AHCYL2: variants seen among roughly 807,000 people sequenced by gnomAD.
The protein encoded by AHCYL2 is S-adenosylhomocysteine hydrolase-like protein 2.
A neutral mutation model predicts 81.4 loss-of-function variants in AHCYL2; 28 were observed. That is an observed-to-expected ratio of 0.34 (90% CI 0.25 to 0.47). The LOEUF is 0.47. Ranked by LOEUF, AHCYL2 falls within the 20% of genes least tolerant of loss-of-function variation. The pLI, the probability that AHCYL2 is intolerant of heterozygous loss-of-function variation, is 1.00. For synonymous variants in AHCYL2, 272 were observed against 290.2 expected (o/e 0.94, Z 0.64); for missense variants, 551 against 785.1 (o/e 0.70, Z 3.56).
rs1455718628 is a variant in AHCYL2 at position 129,230,080 on chromosome 7, T to C, written c.363+4641T>C. On this transcript the variant is annotated intron_variant, in intron 1 of 16. Coordinates refer to ENST00000325006, the MANE Select transcript of AHCYL2 (RefSeq NM_015328.4). Reference sequence around the variant, plus strand: ...TTACATATACTGTTTTATTTAATTCTTTTTTTTTTTTTTTTTTTTTTTGAG... The same window carrying C: ...TTACATATACTGTTTTATTTAATTCCTTTTTTTTTTTTTTTTTTTTTTGAG... Among the ~76,000 whole-genome samples, 3 of 122,078 alleles carry C rather than the reference T, an allele frequency of 2.5e-5. No homozygotes were observed. The East Asian group carries it at 6.4e-4, about 26-fold the overall frequency. 80.1% of individuals were successfully genotyped at this position (122,078 alleles called of 152,430 possible).
intron 1 of AHCYL2, among the ~76,000 whole-genome samples, chr7:129,279,601 A>G (rs1796355898): frequency 6.6e-6 from 1 of 152,226 alleles, no homozygotes; most frequent in African/African-American, 2.4e-5. Context: ...ATGCAAGTTT[A>G]AGAAAGTAAA....
At chr7:129,357,328 TG>T (rs963428520) in intron 1 of AHCYL2, among the ~76,000 whole-genome samples, 7 of 152,334 alleles carry the variant, frequency 4.6e-5, no homozygotes, top group Admixed American at 4.6e-4. Flanking sequence ...ATAATTGCTG[TG>T]ATTTTACAAG....
intron 1 of AHCYL2, among the ~76,000 whole-genome samples, chr7:129,374,974 CAAAT>C (rs1794607233): frequency 6.6e-6 from 1 of 151,594 alleles, no homozygotes; most frequent in African/African-American, 2.4e-5. Context: ...CAGAAATCAG[CAAAT>C]AAATAATGTG....
intron 1 of AHCYL2, among the ~76,000 whole-genome samples, chr7:129,238,275 T>C (rs577766498): frequency 6.6e-6 from 1 of 152,278 alleles, no homozygotes; most frequent in Non-Finnish European, 1.5e-5. Context: ...GGAATAGGAA[T>C]TGTACTACCT....
At chr7:129,349,058 C>T (rs6969620) in intron 1 of AHCYL2, among the ~76,000 whole-genome samples, 133,120 of 152,192 alleles carry the variant, frequency 0.87, 58,570 homozygotes, top group East Asian at 0.98. Flanking sequence ...TTATTCCTCA[C>T]AACTTTTATC....
chr7:129,326,093 C>T (rs898234650), intron 1 of AHCYL2, among the ~76,000 whole-genome samples: 7 of 151,804 alleles, frequency 4.6e-5, no homozygotes, highest in Non-Finnish European at 7.4e-5. Context: ...TTTCATTAAT[C>T]GAAATAATAG....
At chr7:129,233,405 G>A (rs527863984) in intron 1 of AHCYL2, among the ~76,000 whole-genome samples, 14 of 151,906 alleles carry the variant, frequency 9.2e-5, no homozygotes, top group African/African-American at 2.9e-4. Context: ...TCCAATTCTC[G>A]GGCTCAAGTG....
At chr7:129,299,186 G>A (rs1185315561) in intron 1 of AHCYL2, among the ~76,000 whole-genome samples, 1 of 150,738 alleles carries the variant, frequency 6.6e-6, no homozygotes, top group Non-Finnish European at 1.5e-5. Context: ...AAACTATGGG[G>A]CATGGTAGTC....
intron 1 of AHCYL2, among the ~76,000 whole-genome samples, chr7:129,308,557 A>C (rs1270416193): frequency 6.6e-6 from 1 of 152,150 alleles, no homozygotes; most frequent in Non-Finnish European, 1.5e-5. Flanking sequence ...TTTTGATTCT[A>C]ATTGAAGGTG....
At chr7:129,374,424 A>G (rs2150871102) in intron 1 of AHCYL2, among the ~76,000 whole-genome samples, 1 of 152,258 alleles carries the variant, frequency 6.6e-6, no homozygotes, top group South Asian at 2.1e-4. Flanking sequence ...GAAAATAGGC[A>G]CTTACCAAAC....
At chr7:129,388,162 C>G (rs1196477743) in intron 2 of AHCYL2, 2 of 152,088 alleles carry the variant, frequency 1.3e-5, no homozygotes, top group African/African-American at 2.4e-5. Flanking sequence ...CTTAACCCCC[C>G]AAAAAACTTG....
intron 1 of AHCYL2, among the ~76,000 whole-genome samples, chr7:129,299,050 A>G (rs1398776828): frequency 6.6e-6 from 1 of 152,152 alleles, no homozygotes; most frequent in Non-Finnish European, 1.5e-5. Flanking sequence ...CTTAATGGAA[A>G]CCAAAAATTT....
rs1795970741 is a variant in AHCYL2, at chr7:129,400,342, T to C, written c.876T>C (p.Cys292=). ...AGTCAGAAGATGACTTTTGGTGGTG[T>C]ATCGATAGATGTGTGAATGTGGAGG... is the stretch of plus-strand genomic sequence containing the variant. ...KGESEDDFWW[C]IDRCVNVEGW... The change falls in exon 6 of 17, where the codon TGT becomes TGC. Residue 292 remains cysteine (C), a synonymous_variant. Coordinates refer to ENST00000325006, the MANE Select transcript of AHCYL2 (RefSeq NM_015328.4). 1.2e-6 allele frequency: 2 copies of C among 1,613,488 alleles called. No individual in the cohort carries two copies. Among genetic ancestry groups the C allele is most frequent in the Non-Finnish European group, 1.7e-6 (2 of 1,179,706 alleles).
chr7:129,383,509 C>T (rs1483638089), intron 2 of AHCYL2, among the ~76,000 whole-genome samples: 1 of 152,104 alleles, frequency 6.6e-6, no homozygotes, highest in Non-Finnish European at 1.5e-5. Context: ...TCCTCAGTTC[C>T]AACCTTACCC....
chr7:129,389,401 A>G (rs1795358727), intron 3 of AHCYL2, among the ~76,000 whole-genome samples: 1 of 151,498 alleles, frequency 6.6e-6, no homozygotes, highest in African/African-American at 2.4e-5. Flanking sequence ...AAAAAAAAAA[A>G]AGGGAGAGAG....
chr7:129,359,784 A>T (rs1395889727), intron 1 of AHCYL2, among the ~76,000 whole-genome samples: 1 of 152,232 alleles, frequency 6.6e-6, no homozygotes. Context: ...TAGCCGGGTC[A>T]GGGAAATTGA....
intron 1 of AHCYL2, among the ~76,000 whole-genome samples, chr7:129,332,610 C>G (rs1032305786): frequency 6.6e-6 from 1 of 152,240 alleles, no homozygotes; most frequent in South Asian, 2.1e-4. Flanking sequence ...TCTCTTTGAG[C>G]TTTTCACTAG....
intron 1 of AHCYL2, among the ~76,000 whole-genome samples, chr7:129,236,032 T>C (rs1262572999): frequency 6.6e-6 from 1 of 151,150 alleles, no homozygotes; most frequent in Non-Finnish European, 1.5e-5. Flanking sequence ...TTTTTTTTTT[T>C]TTTTTTGAGA....
Position 129,243,953 on chromosome 7 carries a change from CTTATT to C in AHCYL2, c.363+18536_363+18540del, listed in dbSNP as rs377750922. On this transcript the variant is annotated intron_variant, in intron 1 of 16. Coordinates refer to ENST00000325006, the MANE Select transcript of AHCYL2 (RefSeq NM_015328.4). ...ATTTTATATGGTATGAGATAGTGAT[CTTATT>C]TTATTTTATTTTATTTTATTTATTA... is the stretch of plus-strand genomic sequence containing the variant. Among the ~76,000 whole-genome samples the C allele has an allele frequency of 2.2e-3, 328 of 151,512 alleles. 1 individual carries two copies. Among genetic ancestry groups the C allele is most frequent in the African/African-American group, 3.0e-3 (123 of 41,354 alleles).
Sources: gnomAD v4.1 joint callset for allele counts (sites outside exome capture counted in the v4.1 genomes callset) on GRCh38, gnomAD v4.1.1 for gene constraint, MANE v1.5 for transcripts, NCBI Gene and HGNC (gene_info 2026-07-23, HGNC 2026-07-21) for gene names.